FGF13: variants seen among roughly 807,000 people sequenced by gnomAD.
The protein encoded by FGF13 is fibroblast growth factor 13.
In FGF13, 2 loss-of-function variants were observed where a neutral mutation model predicts 19.5. The observed-to-expected ratio is 0.10, with a 90% CI of 0.04 to 0.32. FGF13 has a LOEUF of 0.32. Among genes scored for constraint, FGF13 ranks in the 10% least tolerant of loss-of-function variants. The pLI is 1.00. For missense variants in FGF13, 113 were observed against 192.7 expected, an observed-to-expected ratio of 0.59 and a Z score of 2.45; for synonymous variants, 72 against 76.9, an observed-to-expected ratio of 0.94 and a Z score of 0.33.
chrX:138,961,135 A>G (rs2091867851), intron 1 of FGF13, among the ~76,000 whole-genome samples: 1 of 110,454 alleles, frequency 9.1e-6, no homozygotes, highest in Admixed American at 9.6e-5. Flanking sequence ...GTTTCTCCCC[A>G]TCTCTGTGGT....
intron 3 of FGF13, among the ~76,000 whole-genome samples, chrX:138,755,637 C>T (rs186195190): frequency 8.9e-4 from 100 of 112,374 alleles, no homozygotes; most frequent in Non-Finnish European, 1.5e-3. Context: ...TAAGAAATCA[C>T]CCTGAACTGT....
At chrX:139,068,106 T>G (rs1211004979) in intron 1 of FGF13, among the ~76,000 whole-genome samples, 1 of 95,338 alleles carries the variant, frequency 1.0e-5, no homozygotes, top group African/African-American at 4.3e-5. Context: ...TTCTAGGGTT[T>G]TTATGGTTTT....
At chrX:139,142,586 C>T (rs2083853756) in intron 1 of FGF13, among the ~76,000 whole-genome samples, 1 of 111,732 alleles carries the variant, frequency 8.9e-6, no homozygotes, top group Non-Finnish European at 1.9e-5. Flanking sequence ...GGCCACCAGC[C>T]TGCCTGAATT....
At chrX:138,788,598 C>G (rs938864383) in intron 3 of FGF13, among the ~76,000 whole-genome samples, 3 of 112,175 alleles carry the variant, frequency 2.7e-5, no homozygotes, top group Admixed American at 1.9e-4. Flanking sequence ...CATTTTCAAG[C>G]AAATAACTCT....
intron 3 of FGF13, among the ~76,000 whole-genome samples, chrX:138,758,917 T>A (rs2090448491): frequency 8.9e-6 from 1 of 112,110 alleles, no homozygotes; most frequent in Non-Finnish European, 1.9e-5. Context: ...TTTAATCATT[T>A]TAGGATGGTC....
upstream of FGF13, among the ~76,000 whole-genome samples, chrX:138,743,414 G>C (rs1241875396): frequency 9.0e-6 from 1 of 111,435 alleles, no homozygotes; most frequent in African/African-American, 3.3e-5. Context: ...GAGCACAGAG[G>C]ATTTTTTCAG....
At chrX:138,828,782 C>T (rs2091052535) in intron 3 of FGF13, among the ~76,000 whole-genome samples, 1 of 109,209 alleles carries the variant, frequency 9.2e-6, no homozygotes, top group Non-Finnish European at 1.9e-5. Flanking sequence ...ATGCACCCCT[C>T]CCCCGCCATC....
intron 1 of FGF13, among the ~76,000 whole-genome samples, chrX:139,116,897 T>G (rs2083643494): frequency 9.0e-6 from 1 of 111,284 alleles, no homozygotes; most frequent in Non-Finnish European, 1.9e-5. Context: ...AACAAGAAAG[T>G]AAAGCAGCCC....
At chrX:139,065,743 C>G (rs2092354104) in intron 1 of FGF13, among the ~76,000 whole-genome samples, 3 of 110,579 alleles carry the variant, frequency 2.7e-5, no homozygotes, top group African/African-American at 9.9e-5. Flanking sequence ...TAACACCCGA[C>G]TCAATATTAG....
At position 138,776,085 on chromosome X, in the gene FGF13, T is replaced by C. The variant is rs149381418; in HGVS notation, c.218-67157A>G. ...ACTTGCCTAAAGCTTCCCAGGGAAATAGATGCTCCAACTGCATCTTGGAGT... is the reference window on the plus strand; with the variant it reads ...ACTTGCCTAAAGCTTCCCAGGGAAACAGATGCTCCAACTGCATCTTGGAGT... On this transcript the variant is annotated intron_variant, in intron 3 of 6. Coordinates refer to the FGF13 transcript ENST00000436198. Among the ~76,000 whole-genome samples, 899 of 112,031 alleles carry C rather than the reference T, an allele frequency of 8.0e-3. 7 individuals carry two copies. The highest frequency in any genetic ancestry group is 0.027 in the African/African-American group (829 of 30,815).
chrX:138,793,257 T>C (rs1245012959), intron 3 of FGF13, among the ~76,000 whole-genome samples: 1 of 111,939 alleles, frequency 8.9e-6, no homozygotes, highest in African/African-American at 3.2e-5. Flanking sequence ...ACTCTATTAA[T>C]TTAAGCCACC....
chrX:139,054,333 C>T (rs768491740), intron 1 of FGF13, among the ~76,000 whole-genome samples: 9 of 109,446 alleles, frequency 8.2e-5, no homozygotes, highest in Non-Finnish European at 1.7e-4. Context: ...CCATGTTAGC[C>T]AGGATGTTCT....
intron 3 of FGF13, among the ~76,000 whole-genome samples, chrX:138,669,305 C>A (rs765912570): frequency 6.3e-5 from 7 of 110,321 alleles, no homozygotes; most frequent in Non-Finnish European, 1.3e-4. Context: ...GCTTTTAAGG[C>A]CCTTCACAAT....
At chrX:138,789,431 C>T (rs1044950656) in intron 3 of FGF13, among the ~76,000 whole-genome samples, 7 of 107,922 alleles carry the variant, frequency 6.5e-5, no homozygotes, top group African/African-American at 2.0e-4. Flanking sequence ...CTGCCCGCCT[C>T]GGTCTCCCAA....
At chrX:138,689,154 G>C (rs1022305581) in intron 3 of FGF13, among the ~76,000 whole-genome samples, 5 of 111,438 alleles carry the variant, frequency 4.5e-5, no homozygotes, top group Admixed American at 1.9e-4. Context: ...TTTTCATTTT[G>C]ATTCCCTGAA....
At chrX:138,977,975 T>C (rs2091946574) in intron 1 of FGF13, among the ~76,000 whole-genome samples, 1 of 111,901 alleles carries the variant, frequency 8.9e-6, no homozygotes. Context: ...CATTTTTTAT[T>C]CAGATTAGCC....
chrX:139,179,778 T>C (rs1256710904), intron 1 of FGF13, among the ~76,000 whole-genome samples: 1 of 113,005 alleles, frequency 8.8e-6, no homozygotes, highest in African/African-American at 3.2e-5. Context: ...GTCTGACTCA[T>C]TTCTGTATCC....
At chrX:138,734,843 TCC>T (rs2090260701) in intron 1 of FGF13, among the ~76,000 whole-genome samples, 1 of 111,832 alleles carries the variant, frequency 8.9e-6, no homozygotes, top group African/African-American at 3.3e-5. Context: ...CTTGGCACCT[TCC>T]TTGGTGTCTA....
At chrX:138,874,209 A>G (rs935997160) in intron 1 of FGF13, among the ~76,000 whole-genome samples, 33 of 106,666 alleles carry the variant, frequency 3.1e-4, no homozygotes, top group Non-Finnish European at 4.2e-4. Context: ...CCATTTCCCA[A>G]TTCTCATACT....
Sources: gnomAD v4.1 joint callset for allele counts (sites outside exome capture counted in the v4.1 genomes callset) on GRCh38, gnomAD v4.1.1 for gene constraint, MANE v1.5 for transcripts, NCBI Gene and HGNC (gene_info 2026-07-23, HGNC 2026-07-21) for gene names.